XKR6: variants seen among roughly 807,000 people sequenced by gnomAD.
XKR6 encodes XK-related protein 6.
In XKR6, 22 loss-of-function variants were observed where a neutral mutation model predicts 56.7. The observed-to-expected ratio is 0.39, with a 90% confidence interval of 0.28 to 0.55. The LOEUF is 0.55. XKR6 is among the 20% of genes least tolerant of loss of function. The probability of loss-of-function intolerance (pLI) is 0.66; values close to 1 mark genes in which losing one functional copy is unlikely to be tolerated. For synonymous variants in XKR6, 524 were observed against 387.8 expected (o/e 1.35, Z -4.13); for missense variants, 852 against 889.0 (o/e 0.96, Z 0.53).
intron 1 of XKR6, among the ~76,000 whole-genome samples, chr8:10,954,170 GTA>G (rs1454874173): frequency 6.6e-6 from 1 of 152,144 alleles, no homozygotes; most frequent in Non-Finnish European, 1.5e-5. Flanking sequence ...ATTCTCTTGG[GTA>G]TATACATGGT....
At chr8:11,189,920 G>A (rs899934912) in intron 1 of XKR6, among the ~76,000 whole-genome samples, 1 of 152,172 alleles carries the variant, frequency 6.6e-6, no homozygotes, top group African/African-American at 2.4e-5. Context: ...ACTTTGGGAG[G>A]CCAAGGAGGG....
At chr8:11,137,680 C>T (rs756931400) in intron 1 of XKR6, 1 of 456,092 alleles carries the variant, frequency 2.2e-6, no homozygotes, top group Admixed American at 2.4e-5. Flanking sequence ...GGAGCACAAG[C>T]AGCGGAGAGT....
chr8:10,938,009 G>A (rs7017775), intron 1 of XKR6, among the ~76,000 whole-genome samples: 11,853 of 151,738 alleles, frequency 0.078, 1,593 homozygotes, highest in African/African-American at 0.27. Flanking sequence ...CCTCGCTGCC[G>A]CCTTGCAGTT....
intron 1 of XKR6, among the ~76,000 whole-genome samples, chr8:10,953,191 C>T (rs11780508): frequency 0.021 from 3,179 of 152,288 alleles, 43 homozygotes; most frequent in Middle Eastern, 0.037. Context: ...AACCATCCTC[C>T]CTCCTAGTCT....
chr8:10,917,131 G>C (rs1380238816), intron 2 of XKR6, among the ~76,000 whole-genome samples: 1 of 152,066 alleles, frequency 6.6e-6, no homozygotes, highest in African/African-American at 2.4e-5. Context: ...TGTCTAGGTG[G>C]GGAGCAGGGA....
chr8:10,942,752 C>A (rs573288509), intron 1 of XKR6, among the ~76,000 whole-genome samples: 3 of 152,236 alleles, frequency 2.0e-5, no homozygotes, highest in African/African-American at 7.2e-5. Context: ...TTGCCAATCA[C>A]CCCTGCCTTC....
intron 1 of XKR6, among the ~76,000 whole-genome samples, chr8:11,155,919 T>C (rs1801497358): frequency 6.6e-6 from 1 of 152,164 alleles, no homozygotes; most frequent in African/African-American, 2.4e-5. Flanking sequence ...ATGTCCTCCT[T>C]CTCTCCTGAT....
chr8:11,162,111 T>C (rs770448927), intron 1 of XKR6, among the ~76,000 whole-genome samples: 1 of 152,220 alleles, frequency 6.6e-6, no homozygotes, highest in Non-Finnish European at 1.5e-5. Context: ...TAGAAAGCTT[T>C]TTATTTGCTT....
At chr8:11,182,673 C>A (rs551287854) in intron 1 of XKR6, among the ~76,000 whole-genome samples, 1 of 152,136 alleles carries the variant, frequency 6.6e-6, no homozygotes, top group African/African-American at 2.4e-5. Flanking sequence ...GTAGAGCTAG[C>A]AAGAAATAAA....
At chr8:10,959,545 T>G (rs993125186) in intron 1 of XKR6, among the ~76,000 whole-genome samples, 1 of 152,176 alleles carries the variant, frequency 6.6e-6, no homozygotes, top group Admixed American at 6.5e-5. Context: ...ACAGCCACCT[T>G]CTTGCTGTGT....
intron 1 of XKR6, among the ~76,000 whole-genome samples, chr8:10,965,417 A>G (rs994826395): frequency 7.2e-5 from 11 of 152,218 alleles, no homozygotes; most frequent in Non-Finnish European, 1.3e-4. Context: ...GCCTAGAGGC[A>G]GCTGTCTGCC....
At chr8:11,134,574 C>T (rs147380038) in intron 1 of XKR6, among the ~76,000 whole-genome samples, 6 of 152,160 alleles carry the variant, frequency 3.9e-5, no homozygotes, top group African/African-American at 1.4e-4. Context: ...GAAACTGAAA[C>T]ACAGAAGACT....
At chr8:11,162,998 A>C (rs1350218357) in intron 1 of XKR6, among the ~76,000 whole-genome samples, 2 of 152,250 alleles carry the variant, frequency 1.3e-5, no homozygotes, top group Admixed American at 6.5e-5. Flanking sequence ...AGAAAAAGAA[A>C]ACAGCTCTTC....
intron 1 of XKR6, among the ~76,000 whole-genome samples, chr8:10,942,572 C>T (rs1408954437): frequency 2.0e-5 from 3 of 152,242 alleles, no homozygotes; most frequent in African/African-American, 7.2e-5. Context: ...AACTCACATT[C>T]AGCTGTTGGA....
chr8:11,038,170 C>G (rs1236596386), intron 1 of XKR6, among the ~76,000 whole-genome samples: 1 of 152,172 alleles, frequency 6.6e-6, no homozygotes, highest in African/African-American at 2.4e-5. Context: ...AAGTGACATT[C>G]TAAGTTTTAA....
At chr8:11,005,463 T>C (rs1235713424) in intron 1 of XKR6, among the ~76,000 whole-genome samples, 1 of 152,076 alleles carries the variant, frequency 6.6e-6, no homozygotes, top group Non-Finnish European at 1.5e-5. Flanking sequence ...TTTGGGAAGA[T>C]GAAAATGTTC....
At chr8:11,163,589 T>C (rs997330079) in intron 1 of XKR6, among the ~76,000 whole-genome samples, 8 of 152,188 alleles carry the variant, frequency 5.3e-5, no homozygotes, top group African/African-American at 1.7e-4. Context: ...AGAAAACTAA[T>C]AGTGAATAAC....
chr8:11,075,624 T>C (rs1800253997), intron 1 of XKR6, among the ~76,000 whole-genome samples: 1 of 152,122 alleles, frequency 6.6e-6, no homozygotes, highest in South Asian at 2.1e-4. Flanking sequence ...GTAGCTCACA[T>C]CTGTAATCCC....
At chr8:10,931,211 G>C (rs1435701242) in intron 1 of XKR6, among the ~76,000 whole-genome samples, 1 of 152,112 alleles carries the variant, frequency 6.6e-6, no homozygotes, top group Non-Finnish European at 1.5e-5. Context: ...AATTCTTAGA[G>C]ACAAATCTAC....
Sources: gnomAD v4.1 joint callset for allele counts (sites outside exome capture counted in the v4.1 genomes callset) on GRCh38, gnomAD v4.1.1 for gene constraint, MANE v1.5 for transcripts, NCBI Gene and HGNC (gene_info 2026-07-23, HGNC 2026-07-21) for gene names.